The following ITFG1 variants were observed in gnomAD, a reference collection of about 807,000 sequenced individuals.
ITFG1 encodes the protein T-cell immunomodulatory protein.
In ITFG1, 34 loss-of-function variants were observed where a neutral mutation model predicts 81.8. That is an observed-to-expected ratio of 0.42 (90% CI 0.32 to 0.55). ITFG1 has a LOEUF of 0.55. Among genes scored for constraint, ITFG1 ranks in the 20% least tolerant of loss-of-function variants. The pLI is 0.17. For synonymous variants in ITFG1, 285 were observed against 270.6 expected (o/e 1.05, Z -0.52); for missense variants, 672 against 755.4 (o/e 0.89, Z 1.29).
intron 7 of ITFG1, among the ~76,000 whole-genome samples, chr16:47,369,293 G>A (rs1485796199): frequency 6.6e-6 from 1 of 152,174 alleles, no homozygotes; most frequent in African/African-American, 2.4e-5. Flanking sequence ...GGAGTAAGGT[G>A]AGGTGGGTTC....
rs1340574737 is a variant in ITFG1, at chr16:47,186,034, C to A, written c.1454-23370G>T. Among the ~76,000 whole-genome samples the A allele has an allele frequency of 1.2e-4, 18 of 152,322 alleles. No individual in the cohort carries two copies. The East Asian group carries it at 3.3e-3, about 28-fold the overall frequency. On this transcript the variant is annotated intron_variant, in intron 14 of 17. Coordinates refer to ENST00000320640, the MANE Select transcript of ITFG1 (RefSeq NM_030790.5). ...GAAGAAATGGATAAATTCCTCGACA[C>A]ATACACCCTCCCAAGACTAAACCAG...
chr16:47,245,996 A>T (rs780889632), intron 12 of ITFG1, among the ~76,000 whole-genome samples: 5 of 152,236 alleles, frequency 3.3e-5, no homozygotes, highest in Non-Finnish European at 5.9e-5. Context: ...CGATGATAGG[A>T]GATGAGAAAT....
chr16:47,288,766 T>C (rs998293060), intron 10 of ITFG1, among the ~76,000 whole-genome samples: 1 of 152,102 alleles, frequency 6.6e-6, no homozygotes, highest in Admixed American at 6.5e-5. Context: ...AGCGTGGTGG[T>C]GCACACCTGT....
intron 6 of ITFG1, among the ~76,000 whole-genome samples, chr16:47,382,277 C>T (rs977181330): frequency 7.9e-5 from 12 of 152,152 alleles, no homozygotes; most frequent in Admixed American, 7.2e-4. Context: ...TTTCCTATAT[C>T]AAATAATTCT....
At chr16:47,366,969 G>C (rs537359951) in intron 7 of ITFG1, among the ~76,000 whole-genome samples, 1 of 152,166 alleles carries the variant, frequency 6.6e-6, no homozygotes, top group African/African-American at 2.4e-5. Flanking sequence ...TAATTCCACA[G>C]GTTGAGGGCT....
At chr16:47,184,772 A>C (rs1965187155) in intron 14 of ITFG1, among the ~76,000 whole-genome samples, 1 of 152,320 alleles carries the variant, frequency 6.6e-6, no homozygotes, top group South Asian at 2.1e-4. Context: ...AAATTCACAC[A>C]TAACAATATT....
chr16:47,166,294 C>T (rs1383861625), intron 14 of ITFG1, among the ~76,000 whole-genome samples: 1 of 152,162 alleles, frequency 6.6e-6, no homozygotes, highest in Admixed American at 6.5e-5. Context: ...TTAAAATTGC[C>T]TATGCAATAA....
At chr16:47,323,914 T>G (rs964662355) in intron 8 of ITFG1, among the ~76,000 whole-genome samples, 6 of 152,194 alleles carry the variant, frequency 3.9e-5, no homozygotes, top group African/African-American at 1.4e-4. Context: ...AGATTATTCT[T>G]AAAATTCTTA....
At chr16:47,183,663 A>T (rs1965165544) in intron 14 of ITFG1, among the ~76,000 whole-genome samples, 2 of 152,230 alleles carry the variant, frequency 1.3e-5, no homozygotes, top group Non-Finnish European at 2.9e-5. Flanking sequence ...AGACCAAAAG[A>T]AGATAAAACC....
At chr16:47,370,395 CA>C (rs1039065724) in intron 7 of ITFG1, among the ~76,000 whole-genome samples, 1 of 152,212 alleles carries the variant, frequency 6.6e-6, no homozygotes, top group African/African-American at 2.4e-5. Flanking sequence ...ACCCCAGACC[CA>C]GCCACACGTG....
intron 14 of ITFG1, among the ~76,000 whole-genome samples, chr16:47,191,795 G>A (rs776081462): frequency 4.6e-5 from 7 of 152,134 alleles, no homozygotes; most frequent in African/African-American, 7.2e-5. Flanking sequence ...GATTACAGGC[G>A]TGAGCCACCG....
intron 10 of ITFG1, among the ~76,000 whole-genome samples, chr16:47,289,696 T>C (rs1966885918): frequency 6.6e-6 from 1 of 152,166 alleles, no homozygotes; most frequent in Non-Finnish European, 1.5e-5. Flanking sequence ...TTTTAATGTC[T>C]CCCTTTCCTT....
intron 6 of ITFG1, among the ~76,000 whole-genome samples, chr16:47,410,168 A>C (rs1272142494): frequency 6.6e-6 from 1 of 152,062 alleles, no homozygotes; most frequent in African/African-American, 2.4e-5. Flanking sequence ...AGTCCCAGCT[A>C]CTCAGAAGGC....
At chr16:47,279,009 G>A (rs891841560) in intron 10 of ITFG1, among the ~76,000 whole-genome samples, 2 of 152,012 alleles carry the variant, frequency 1.3e-5, no homozygotes, top group Admixed American at 6.6e-5. Context: ...TTTGAGTTTA[G>A]AGTTTTTTTA....
chr16:47,232,064 C>T (rs1965821902), intron 13 of ITFG1, among the ~76,000 whole-genome samples: 1 of 152,204 alleles, frequency 6.6e-6, no homozygotes, highest in Non-Finnish European at 1.5e-5. Flanking sequence ...CCTCAAGAAG[C>T]TGGAAAAGGT....
chr16:47,434,357 GA>G lies in ITFG1; in HGVS notation c.561-5460del, dbSNP rs753598239. Among the ~76,000 whole-genome samples, 795 of 130,862 alleles carry G rather than the reference GA, an allele frequency of 6.1e-3. 4 individuals carry two copies. The highest frequency in any genetic ancestry group is 8.2e-3 in the Non-Finnish European group (492 of 60,180). The allele number at this position is 130,862 out of a possible 152,430, so 85.9% of individuals were successfully genotyped here. On this transcript the variant is annotated intron_variant, in intron 5 of 17. Coordinates refer to ENST00000320640, the MANE Select transcript of ITFG1 (RefSeq NM_030790.5). ...CTATAGAACTTAAACAAATTTACAA[GA>G]AAAAAAAAAAACCATTCAAAAGTGG... is the stretch of plus-strand genomic sequence containing the variant.
At chr16:47,442,721 C>T (rs1279398211) in intron 5 of ITFG1, among the ~76,000 whole-genome samples, 3 of 152,124 alleles carry the variant, frequency 2.0e-5, no homozygotes, top group African/African-American at 4.8e-5. Context: ...AAACTGGATC[C>T]CTTCCTTACA....
chr16:47,169,576 A>G (rs1567412477), intron 14 of ITFG1, among the ~76,000 whole-genome samples: 2 of 151,644 alleles, frequency 1.3e-5, no homozygotes, highest in African/African-American at 4.8e-5. Flanking sequence ...TAGCTGCAGT[A>G]TTTTTTTCTG....
intron 12 of ITFG1, among the ~76,000 whole-genome samples, chr16:47,244,443 G>A (rs1965973286): frequency 6.6e-6 from 1 of 152,172 alleles, no homozygotes; most frequent in South Asian, 2.1e-4. Context: ...ATTGGTTGGT[G>A]TACGGAGGGG....
Sources: gnomAD v4.1 joint callset for allele counts (sites outside exome capture counted in the v4.1 genomes callset) on GRCh38, gnomAD v4.1.1 for gene constraint, MANE v1.5 for transcripts, NCBI Gene and HGNC (gene_info 2026-07-23, HGNC 2026-07-21) for gene names.